PSD3: variants seen among roughly 807,000 people sequenced by gnomAD.
PSD3 encodes PH and SEC7 domain-containing protein 3.
A neutral mutation model predicts 105.5 loss-of-function variants in PSD3; 49 were observed. That is an observed-to-expected ratio of 0.46 (90% CI 0.37 to 0.59). The LOEUF (loss-of-function observed/expected upper bound fraction) is 0.59. PSD3 is among the 20% of genes least tolerant of loss of function. PSD3 has a pLI of 0.00. For missense variants in PSD3, 1,561 were observed against 1,263.8 expected, an observed-to-expected ratio of 1.24 and a Z score of -3.57; for synonymous variants, 557 against 457.8, an observed-to-expected ratio of 1.22 and a Z score of -2.77.
chr8:18,968,869 A>T lies in PSD3; in HGVS notation c.22-32727T>A, dbSNP rs1466162582. Among the ~76,000 whole-genome samples, 112 of 130,678 alleles carry T rather than the reference A, an allele frequency of 8.6e-4. 1 individual carries two copies. The highest frequency in any genetic ancestry group is 1.5e-3 in the Non-Finnish European group (88 of 60,254). The allele number at this position is 130,678 out of a possible 152,430, so 85.7% of individuals were successfully genotyped here. The stretch of plus-strand genomic sequence containing the variant: ...GCAGCCTGCGTGACAGAGCAAAAAA[A>T]AAATGTCTCCAAAAAAAAAAAAAAA... On this transcript the variant is annotated intron_variant, in intron 1 of 15. Coordinates refer to ENST00000327040, the MANE Select transcript of PSD3 (RefSeq NM_015310.4).
intron 10 of PSD3, among the ~76,000 whole-genome samples, chr8:18,648,989 T>G (rs2130826977): frequency 6.6e-6 from 1 of 152,372 alleles, no homozygotes; most frequent in South Asian, 2.1e-4. Context: ...TGGAAAAGCC[T>G]GGATATCCAG....
chr8:18,576,514 TA>T (rs1712140487), intron 12 of PSD3, among the ~76,000 whole-genome samples: 1 of 152,180 alleles, frequency 6.6e-6, no homozygotes, highest in Non-Finnish European at 1.5e-5. Context: ...ATAATCTAGT[TA>T]TGTTTTAAGA....
chr8:18,722,857 C>G (rs1199821633), intron 9 of PSD3, among the ~76,000 whole-genome samples: 1 of 152,146 alleles, frequency 6.6e-6, no homozygotes, highest in Admixed American at 6.5e-5. Flanking sequence ...GCCCTCCAAA[C>G]TCTAATTTTC....
intron 4 of PSD3, among the ~76,000 whole-genome samples, chr8:18,839,797 CCCATGACACAG>C (rs138022639): frequency 0.011 from 1,618 of 152,274 alleles, 7 homozygotes; most frequent in Non-Finnish European, 0.015. Context: ...CTATAACTCT[CCCATGACACAG>C]GGATGACACA....
At chr8:18,631,842 C>T (rs1280594786) in intron 11 of PSD3, among the ~76,000 whole-genome samples, 8 of 151,966 alleles carry the variant, frequency 5.3e-5, no homozygotes, top group African/African-American at 1.9e-4. Flanking sequence ...AAGGATCCAG[C>T]TACAGATAGA....
intron 9 of PSD3, chr8:18,734,431 GAA>G (rs774413645): frequency 6.6e-6 from 1 of 152,054 alleles, no homozygotes; most frequent in Non-Finnish European, 1.5e-5. Flanking sequence ...TTAAATCATG[GAA>G]AAGACACAAA....
At chr8:18,589,292 T>G (rs9644609) in intron 12 of PSD3, among the ~76,000 whole-genome samples, 87,660 of 151,916 alleles carry the variant, frequency 0.58, 25,389 homozygotes, top group South Asian at 0.76. Flanking sequence ...TCTCCAAGTA[T>G]CAACAACTGC....
chr8:18,632,900 A>G lies in PSD3; in HGVS notation c.2217-94T>C, dbSNP rs907446128. 5 of 968,830 alleles carry G rather than the reference A, an allele frequency of 5.2e-6. No homozygotes were observed. In the African/African-American group the frequency reaches 6.6e-5, roughly 13 times the overall value. The allele number at this position is 968,830 out of a possible 1,614,324, so 60.0% of individuals were successfully genotyped here. On this transcript the variant is annotated intron_variant, in intron 10 of 15. Coordinates refer to ENST00000327040, the MANE Select transcript of PSD3 (RefSeq NM_015310.4). ...TTGTAAAAAACTACATTGTATTCCA[A>G]TGGTGTATCACTTTTTATAACCACC...
intron 11 of PSD3, among the ~76,000 whole-genome samples, chr8:18,613,915 G>A (rs1403200516): frequency 1.3e-5 from 2 of 152,200 alleles, no homozygotes; most frequent in Admixed American, 6.5e-5. Flanking sequence ...CTTGTGCTAA[G>A]CCGGCCGCCT....
In PSD3 at chr8:18,712,970, C is replaced by T. The variant is rs34000535; in HGVS notation, c.2172+52479G>A. Among the ~76,000 whole-genome samples the T allele has an allele frequency of 1.7e-3, 254 of 152,244 alleles. 2 individuals carry two copies. Among genetic ancestry groups the T allele is most frequent in the African/African-American group, 5.7e-3 (237 of 41,550 alleles). The stretch of plus-strand genomic sequence containing the variant: ...TTGGCTTCATCCCTGGAATGCAAGG[C>T]GGGTTCAACATATGCAAATCAGTTA... On this transcript the variant is annotated intron_variant, in intron 9 of 15. Transcript: ENST00000327040.
rs1487239436 is a variant in PSD3, at chr8:18,530,847, T to C, written c.*4896A>G. On this transcript the variant is annotated 3_prime_UTR_variant, in exon 16 of 16. Transcript: ENST00000327040. ...AGAATTTTCTAGCATAAAGTCTTAT[T>C]AAAAATTTTAATCAAAATATTATTT... 1 of 152,190 alleles carries C rather than the reference T, an allele frequency of 6.6e-6. No homozygotes were observed. The highest frequency in any genetic ancestry group is 6.5e-5 in the Admixed American group (1 of 15,282). The allele number at this position is 152,190 out of a possible 1,614,324, so 9.4% of individuals were successfully genotyped here.
chr8:18,536,991 C>A (rs906216752), intron 15 of PSD3, among the ~76,000 whole-genome samples: 1 of 152,194 alleles, frequency 6.6e-6, no homozygotes, highest in Non-Finnish European at 1.5e-5. Flanking sequence ...TTTGACTATA[C>A]ATCCGTCTTA....
At chr8:18,985,059 G>C (rs1423230764) in intron 1 of PSD3, among the ~76,000 whole-genome samples, 2 of 152,104 alleles carry the variant, frequency 1.3e-5, no homozygotes. Flanking sequence ...TCAGTCTCCG[G>C]AGTAGCTGGG....
chr8:18,950,927 G>A (rs1455852740), intron 1 of PSD3, among the ~76,000 whole-genome samples: 1 of 152,090 alleles, frequency 6.6e-6, no homozygotes, highest in Non-Finnish European at 1.5e-5. Flanking sequence ...CTAGGGCCGA[G>A]CTGCAATGGG....
chr8:18,727,696 C>G (rs1300934598), intron 9 of PSD3, among the ~76,000 whole-genome samples: 1 of 152,018 alleles, frequency 6.6e-6, no homozygotes, highest in East Asian at 1.9e-4. Context: ...CCTGTCTAAG[C>G]TGGACTTTTT....
At chr8:18,653,204 G>C (rs1808644275) in intron 10 of PSD3, among the ~76,000 whole-genome samples, 1 of 151,972 alleles carries the variant, frequency 6.6e-6, no homozygotes, top group South Asian at 2.1e-4. Context: ...CAGAATATTA[G>C]AACTAGAAAA....
In PSD3 at chr8:19,062,741, C is replaced by T. The variant is rs190547072; in HGVS notation, c.324+21465G>A. ...ACTTAAAGTCCACATTTTTGGGAAA[C>T]GCTACATTACATCAAAATCCATATT... On this transcript the variant is annotated intron_variant, in intron 1 of 1. Transcript: ENST00000521475. Among the ~76,000 whole-genome samples the T allele has an allele frequency of 6.2e-3, 942 of 152,198 alleles. 10 individuals carry two copies. The highest frequency in any genetic ancestry group is 0.021 in the African/African-American group (852 of 41,514).
intron 9 of PSD3, among the ~76,000 whole-genome samples, chr8:18,699,409 T>C (rs1170700539): frequency 1.3e-5 from 2 of 152,214 alleles, no homozygotes; most frequent in African/African-American, 4.8e-5. Flanking sequence ...GATCATTTAC[T>C]ACAGTAATGT....
chr8:18,837,556 T>G (rs1433303910), intron 4 of PSD3, among the ~76,000 whole-genome samples: 1 of 152,156 alleles, frequency 6.6e-6, no homozygotes, highest in Admixed American at 6.5e-5. Flanking sequence ...AAGTGGAGGT[T>G]TTAGGTCAAA....
Sources: gnomAD v4.1 joint callset for allele counts (sites outside exome capture counted in the v4.1 genomes callset) on GRCh38, gnomAD v4.1.1 for gene constraint, MANE v1.5 for transcripts, NCBI Gene and HGNC (gene_info 2026-07-23, HGNC 2026-07-21) for gene names.